SUN1: variants seen among roughly 807,000 people sequenced by gnomAD.
The protein encoded by SUN1 is Sad1 and UNC84 domain containing 1.
A neutral mutation model predicts 103.2 loss-of-function variants in SUN1; 61 were observed. The observed-to-expected ratio is 0.59, with a 90% CI of 0.48 to 0.73. The LOEUF (loss-of-function observed/expected upper bound fraction) is 0.73. Ranked by LOEUF, SUN1 falls within the 30% of genes least tolerant of loss-of-function variation. The pLI, the probability that SUN1 is intolerant of heterozygous loss-of-function variation, is 0.00. For missense variants in SUN1, 1,052 were observed against 1,034.6 expected (o/e 1.02, Z -0.23); for synonymous variants, 490 against 425.7 (o/e 1.15, Z -1.86).
intron 2 of SUN1, among the ~76,000 whole-genome samples, chr7:840,833 G>A (rs1356622747): frequency 3.3e-5 from 5 of 151,752 alleles, no homozygotes; most frequent in Admixed American, 3.3e-4. Context: ...AGTAGAGGCG[G>A]GGTTTCACCG....
chr7:870,552 C>T (rs762771114), intron 17 of SUN1, among the ~76,000 whole-genome samples: 1 of 152,050 alleles, frequency 6.6e-6, no homozygotes, highest in Non-Finnish European at 1.5e-5. Context: ...AGCCCCTGCA[C>T]TCCAGCCTGG....
chr7:831,506 G>A (rs1487262492), upstream of SUN1, among the ~76,000 whole-genome samples: 9 of 152,264 alleles, frequency 5.9e-5, no homozygotes, highest in South Asian at 2.1e-4. Flanking sequence ...TCCTGACCTC[G>A]TGATCCGCCC....
At chr7:855,074 C>T (rs1286654848) in intron 11 of SUN1, 68 bp downstream of exon 11, 2 of 1,229,812 alleles carry the variant, frequency 1.6e-6, no homozygotes, top group Middle Eastern at 1.9e-4. Flanking sequence ...TATTTTAAAG[C>T]CCTTTGGTCA....
chr7:872,071 T>A (rs1842107654), intron 17 of SUN1, among the ~76,000 whole-genome samples: 1 of 152,134 alleles, frequency 6.6e-6, no homozygotes, highest in African/African-American at 2.4e-5. Context: ...CTGTGGCCCC[T>A]CCTCCTGCTG....
upstream of SUN1, among the ~76,000 whole-genome samples, chr7:827,630 C>T (rs1468550101): frequency 3.3e-5 from 5 of 151,886 alleles, no homozygotes; most frequent in Admixed American, 2.0e-4. Context: ...CCACCACGCC[C>T]GGCTAATTTC....
chr7:828,358 A>G (rs1351054833), upstream of SUN1, among the ~76,000 whole-genome samples: 2 of 150,908 alleles, frequency 1.3e-5, no homozygotes, highest in Non-Finnish European at 3.0e-5. Flanking sequence ...TGCAACCTCC[A>G]TCTCCTGGGT....
chr7:853,451 G>C lies in SUN1; in HGVS notation c.1096G>C (p.Glu366Gln). The C allele has an allele frequency of 5.0e-6, 8 of 1,614,038 alleles. No individual in the cohort carries two copies. Among genetic ancestry groups the C allele is most frequent in the Non-Finnish European group, 6.8e-6 (8 of 1,180,040 alleles). Residue 366 changes from glutamate to glutamine, a missense_variant, in exon 10 of 19, where the codon GAG (glutamate) becomes CAG (glutamine). By Grantham distance (29) the Glu-to-Gln change is conservative (BLOSUM62 2). Around this residue, in one of 2 missense-constraint regions of SUN1, gnomAD observed 846 missense variants for 774.5 expected, o/e 1.09. Coordinates refer to ENST00000401592, the MANE Select transcript of SUN1 (RefSeq NM_001130965.3). ...AFPWHWMSGV[E>Q]QQVASLSGQC... Reference sequence around the variant, plus strand: ...TCCGTGGCATTGGATGAGTGGCGTGGAGCAGCAGGTGGCCTCTCTGTCTGG... The same window carrying C: ...TCCGTGGCATTGGATGAGTGGCGTGCAGCAGCAGGTGGCCTCTCTGTCTGG...
intron 17 of SUN1, 97 bp from the exon 18 acceptor site, chr7:872,373 G>A: frequency 1.0e-6 from 1 of 959,142 alleles, no homozygotes; most frequent in South Asian, 1.5e-5. Context: ...GAGGGAAACG[G>A]TCCTGTTTGC....
At chr7:845,082 G>A (rs1277109187) in intron 5 of SUN1, among the ~76,000 whole-genome samples, 1 of 152,198 alleles carries the variant, frequency 6.6e-6, no homozygotes, top group African/African-American at 2.4e-5. Context: ...AGAATAAGGA[G>A]GTTCACAGAT....
Position 843,359 on chromosome 7 carries a change from T to G in SUN1, c.497T>G (p.Ile166Ser). 6.2e-7 allele frequency: 1 copy of G among 1,607,410 alleles called. No homozygotes were observed. The highest frequency in any genetic ancestry group is 1.7e-5 in the Admixed American group (1 of 59,054). The change falls in exon 5 of 19, where the codon ATT becomes AGT. Residue 166 changes from isoleucine to serine, a missense_variant. Coordinates refer to ENST00000401592, the MANE Select transcript of SUN1 (RefSeq NM_001130965.3). Reference sequence around the variant, plus strand: ...ACTTTAGGTGGAAATAAAGCTGCCATTCAGGGAAACGGGGATGTGGGAGCC... The same window carrying G: ...ACTTTAGGTGGAAATAAAGCTGCCAGTCAGGGAAACGGGGATGTGGGAGCC... ...GDLKGGNKAA[I>S]QGNGDVGAAA...
chr7:832,091 C>T (rs4721600), upstream of SUN1: 150,804 of 995,898 alleles, frequency 0.15, 12,026 homozygotes, highest in African/African-American at 0.18. Context: ...TGCTTGACCA[C>T]GCTGTAGCAG....
At chr7:822,528 C>A (rs774755077) in intron 1 of SUN1, among the ~76,000 whole-genome samples, 6 of 152,158 alleles carry the variant, frequency 3.9e-5, no homozygotes, top group Non-Finnish European at 7.3e-5. Flanking sequence ...GCCCTTTGGT[C>A]GCTTTGTTCT....
chr7:825,781 A>G (rs1367123250), intron 1 of SUN1, among the ~76,000 whole-genome samples: 2 of 152,172 alleles, frequency 1.3e-5, no homozygotes. Context: ...TTTCTAAGAC[A>G]GTTTCTTTTT....
intron 16 of SUN1, among the ~76,000 whole-genome samples, chr7:867,666 TG>T (rs1223995666): frequency 3.3e-5 from 5 of 152,186 alleles, no homozygotes; most frequent in Admixed American, 3.3e-4. Context: ...ATCACTGTGC[TG>T]GGACTGGACT....
chr7:835,359 C>A (rs1346233187), intron 1 of SUN1, among the ~76,000 whole-genome samples: 1 of 152,226 alleles, frequency 6.6e-6, no homozygotes, highest in East Asian at 1.9e-4. Context: ...TTCTTTAAAG[C>A]CAGTCTCTAA....
intron 5 of SUN1, chr7:848,764 G>A: frequency 2.3e-6 from 1 of 433,898 alleles, no homozygotes; most frequent in Non-Finnish European, 3.9e-6. Context: ...TCTGGATCTT[G>A]CATCCCTGGG....
intron 17 of SUN1, 71 bp from the exon 18 acceptor site, chr7:872,399 G>T (rs1842373552): frequency 7.7e-7 from 1 of 1,298,146 alleles, no homozygotes. Flanking sequence ...GCTGGCTGTG[G>T]AAGGGAACGG....
At chr7:864,356 T>G (rs1033014071) in intron 15 of SUN1, among the ~76,000 whole-genome samples, 36 of 152,044 alleles carry the variant, frequency 2.4e-4, no homozygotes, top group African/African-American at 7.7e-4. Flanking sequence ...GAGACCACCC[T>G]GACCAACATA....
upstream of SUN1, among the ~76,000 whole-genome samples, chr7:827,694 C>T (rs929637972): frequency 6.6e-6 from 1 of 151,750 alleles, no homozygotes; most frequent in East Asian, 2.0e-4. Context: ...TCTCGATCTC[C>T]TGACCTTGTG....
Sources: gnomAD v4.1 joint callset for allele counts (sites outside exome capture counted in the v4.1 genomes callset) on GRCh38, gnomAD v4.1.1 for gene constraint, gnomAD v4.1.1 regional missense constraint, MANE v1.5 for transcripts, NCBI Gene and HGNC (gene_info 2026-07-23, HGNC 2026-07-21) for gene names.